The following FMN2 variants were observed in gnomAD, a reference collection of about 807,000 sequenced individuals.
FMN2 encodes the protein formin-2.
In FMN2, 51 loss-of-function variants were observed where a neutral mutation model predicts 142.3. That is an observed-to-expected ratio of 0.36 (90% CI 0.29 to 0.45). The LOEUF (loss-of-function observed/expected upper bound fraction) is 0.45. Ranked by LOEUF, FMN2 falls within the 20% of genes least tolerant of loss-of-function variation. FMN2 has a pLI of 1.00. For missense variants in FMN2, 1,936 were observed against 2,122.8 expected, an observed-to-expected ratio of 0.91 and a Z score of 1.73; for synonymous variants, 882 against 869.8, an observed-to-expected ratio of 1.01 and a Z score of -0.25.
intron 7 of FMN2, among the ~76,000 whole-genome samples, chr1:240,285,047 A>G (rs1401940431): frequency 6.6e-6 from 1 of 151,952 alleles, no homozygotes; most frequent in Admixed American, 6.6e-5. Flanking sequence ...CTTTTGGGAA[A>G]TTCTCACATG....
chr1:240,330,084 G>C (rs1457187289), intron 10 of FMN2, among the ~76,000 whole-genome samples: 1 of 152,174 alleles, frequency 6.6e-6, no homozygotes, highest in Non-Finnish European at 1.5e-5. Context: ...GCAAAGTCAA[G>C]TTAAACACAG....
chr1:240,258,221 G>C (rs1668515237), intron 7 of FMN2, among the ~76,000 whole-genome samples, 189 bp downstream of exon 7: 1 of 152,142 alleles, frequency 6.6e-6, no homozygotes, highest in South Asian at 2.1e-4. Context: ...TGCCTGTGGT[G>C]TTATTTATAT....
chr1:240,171,342 A>G, intron 2 of FMN2: 2 of 632,834 alleles, frequency 3.2e-6, no homozygotes, highest in Non-Finnish European at 5.8e-6. Context: ...TGATGGGAGC[A>G]GCCTAACAGG....
At position 240,097,302 on chromosome 1, in the gene FMN2, T is replaced by C. The variant is rs534195728; in HGVS notation, c.1615+3578T>C. ...AGTCTGTAGTTTCTGAGTTTTTGTG[T>C]CTGTGTAGTTTCTTGATTGTTTTCT... On this transcript the variant is annotated intron_variant, in intron 1 of 17. Transcript: ENST00000319653. Among the ~76,000 whole-genome samples the C allele has an allele frequency of 4.6e-5, 7 of 152,174 alleles. No individual in the cohort carries two copies. The South Asian group carries it at 1.5e-3, about 32-fold the overall frequency.
chr1:240,103,885 TA>T (rs1661498247), intron 1 of FMN2, among the ~76,000 whole-genome samples: 1 of 149,920 alleles, frequency 6.7e-6, no homozygotes, highest in African/African-American at 2.5e-5. Context: ...ACATTATTAT[TA>T]TTTTTTTTTG....
At chr1:240,112,077 CTAGA>C (rs961982313) in intron 1 of FMN2, among the ~76,000 whole-genome samples, 2 of 151,786 alleles carry the variant, frequency 1.3e-5, no homozygotes, top group African/African-American at 4.8e-5. Flanking sequence ...TGGGCCTTTC[CTAGA>C]TAAAGATAAC....
chr1:240,185,812 T>C (rs1423373466), intron 3 of FMN2, among the ~76,000 whole-genome samples: 2 of 152,152 alleles, frequency 1.3e-5, no homozygotes, highest in Admixed American at 1.3e-4. Context: ...AAGCCAAGAC[T>C]TGTCTTGAGT....
intron 15 of FMN2, among the ~76,000 whole-genome samples, chr1:240,412,462 C>T (rs994328256): frequency 2.0e-5 from 3 of 152,074 alleles, no homozygotes; most frequent in Non-Finnish European, 4.4e-5. Flanking sequence ...TTTTTTAAAA[C>T]CACTTTTGGT....
chr1:240,308,208 G>C (rs996505647), intron 8 of FMN2, among the ~76,000 whole-genome samples: 2 of 152,186 alleles, frequency 1.3e-5, no homozygotes, highest in African/African-American at 2.4e-5. Context: ...GAGCAAGTCT[G>C]ATATATTCAG....
chr1:240,375,040 T>C (rs563367345), intron 14 of FMN2, among the ~76,000 whole-genome samples: 7 of 152,162 alleles, frequency 4.6e-5, no homozygotes, highest in Non-Finnish European at 8.8e-5. Context: ...TTCGACACTG[T>C]TGTGTCTCAG....
intron 2 of FMN2, among the ~76,000 whole-genome samples, chr1:240,148,904 G>A (rs1458123964): frequency 6.6e-6 from 1 of 151,580 alleles, no homozygotes; most frequent in Non-Finnish European, 1.5e-5. Context: ...CCCGGGAGGC[G>A]GAGCTTGCAG....
rs746206008 is a variant in FMN2 at position 240,206,977 on chromosome 1, G to C, written c.2165G>C (p.Cys722Ser). 6.2e-7 allele frequency: 1 copy of C among 1,614,156 alleles called. No individual in the cohort carries two copies. The highest frequency in any genetic ancestry group is 8.5e-7 in the Non-Finnish European group (1 of 1,180,016). The change falls in exon 5 of 18, where the codon TGT becomes TCT. Residue 722 changes from cysteine to serine, a missense_variant. By Grantham distance (112) the Cys-to-Ser change is moderately radical (BLOSUM62 -1). This residue lies in a region of FMN2 where 478 missense variants were observed against 462.8 expected (regional missense o/e 1.03). Transcript: ENST00000319653. The part of the protein sequence containing the change: ...ENGVTASGDV[C>S]LEALRLEEKE... ...GGAGTGACAGCCTCAGGCGATGTCT[G>C]TCTCGAAGCTCTCAGGTTAGAAGAA...
At chr1:240,390,675 C>T (rs1673576076) in intron 14 of FMN2, among the ~76,000 whole-genome samples, 2 of 152,124 alleles carry the variant, frequency 1.3e-5, no homozygotes, top group African/African-American at 4.8e-5. Context: ...TAAGTTTCTA[C>T]TGATTATTGG....
intron 15 of FMN2, among the ~76,000 whole-genome samples, chr1:240,424,980 G>A (rs1400229405): frequency 6.6e-6 from 1 of 152,136 alleles, no homozygotes; most frequent in African/African-American, 2.4e-5. Flanking sequence ...TGAGAATAAA[G>A]CCATGAACAT....
intron 6 of FMN2, among the ~76,000 whole-genome samples, chr1:240,241,227 A>T (rs1418408447): frequency 7.1e-6 from 1 of 141,134 alleles, no homozygotes; most frequent in South Asian, 2.2e-4. Context: ...TCAACTCTGG[A>T]TTTTTTTTTT....
intron 2 of FMN2, among the ~76,000 whole-genome samples, chr1:240,162,239 G>A (rs1303396223): frequency 1.3e-5 from 2 of 152,166 alleles, no homozygotes; most frequent in African/African-American, 4.8e-5. Context: ...GCCGAGGCAG[G>A]TGGATCACAG....
chr1:240,092,314 G>A lies in FMN2; in HGVS notation c.205G>A (p.Asp69Asn), dbSNP rs1661005890. The stretch of plus-strand genomic sequence containing the variant: ...GTCGGGCAAGAAGAAGAGCAAGTCC[G>A]ACTCCAGAGCCTCGGTGTTTTCCAA... ...GESGKKKSKS[D>N]SRASVFSNLR... Residue 69 changes from aspartate to asparagine, a missense_variant, in exon 1 of 18, where the codon GAC (aspartate) becomes AAC (asparagine). Asp to Asn is a conservative substitution (Grantham distance 23, BLOSUM62 1). This residue lies in a region of FMN2 where 751 missense variants were observed against 791.8 expected (regional missense o/e 0.95). Coordinates refer to ENST00000319653, the MANE Select transcript of FMN2 (RefSeq NM_020066.5). 6.2e-7 allele frequency: 1 copy of A among 1,602,350 alleles called. No homozygotes were observed. The highest frequency in any genetic ancestry group is 8.5e-7 in the Non-Finnish European group (1 of 1,172,888).
chr1:240,347,084 CT>C (rs1359769048), intron 13 of FMN2, among the ~76,000 whole-genome samples: 1 of 152,178 alleles, frequency 6.6e-6, no homozygotes, highest in Non-Finnish European at 1.5e-5. Context: ...ATTTTGGTTA[CT>C]GCTTCTACTA....
chr1:240,106,447 T>C (rs1200612606), intron 1 of FMN2, among the ~76,000 whole-genome samples: 3 of 152,192 alleles, frequency 2.0e-5, no homozygotes, highest in African/African-American at 7.2e-5. Context: ...AGTTTCAAAC[T>C]GAACTCATCT....
Sources: allele counts gnomAD v4.1 joint callset (sites outside exome capture counted in the v4.1 genomes callset), GRCh38; gene constraint gnomAD v4.1.1; regional missense constraint gnomAD v4.1.1; transcripts MANE v1.5; gene names NCBI Gene and HGNC (gene_info 2026-07-23, HGNC 2026-07-21).